Variants in CCDC171 observed in about 807,000 individuals in gnomAD.
CCDC171 encodes the protein coiled-coil domain containing 171, also known as coiled-coil domain-containing protein 171.
CCDC171 carries 177 observed loss-of-function variants against 168.2 expected under a neutral mutation model. The observed-to-expected ratio is 1.05, with a 90% CI of 0.93 to 1.19. The LOEUF (loss-of-function observed/expected upper bound fraction) is 1.19. Among genes scored for constraint, CCDC171 ranks in the 50% most tolerant of loss-of-function variants. CCDC171 has a pLI of 0.00. For missense variants in CCDC171, 1,991 were observed against 1,539.0 expected (o/e 1.29, Z -4.91); for synonymous variants, 687 against 540.8 (o/e 1.27, Z -3.75).
At chr9:15,688,267 G>C (rs187410949) in intron 10 of CCDC171, among the ~76,000 whole-genome samples, 3 of 152,072 alleles carry the variant, frequency 2.0e-5, no homozygotes, top group South Asian at 2.1e-4. Context: ...GCCTAGATAG[G>C]TTCACTGGTA....
chr9:15,827,053 G>T (rs1284919673), intron 21 of CCDC171, among the ~76,000 whole-genome samples: 1 of 152,170 alleles, frequency 6.6e-6, no homozygotes, highest in African/African-American at 2.4e-5. Context: ...CTTTAGGATG[G>T]ATGGGCTATG....
Position 15,777,132 on chromosome 9 carries a change from C to T in CCDC171, c.2672-468C>T, listed in dbSNP as rs555342840. ...TGTTGGATATGCTGGGACCTTAAGT[C>T]CATTATATGAGAAGGATGATTACCA... On this transcript the variant is annotated intron_variant, in intron 18 of 25. Transcript: ENST00000380701. Among the ~76,000 whole-genome samples the T allele has an allele frequency of 2.6e-5, 4 of 152,176 alleles. No individual in the cohort carries two copies. In the South Asian group the frequency reaches 6.2e-4, roughly 24 times the overall value.
At chr9:15,961,469 T>G (rs1170651868) in intron 25 of CCDC171, among the ~76,000 whole-genome samples, 1 of 151,974 alleles carries the variant, frequency 6.6e-6, no homozygotes, top group African/African-American at 2.4e-5. Context: ...GCATAAGGAG[T>G]TGCATTTGCG....
At chr9:15,714,023 G>T (rs7875957) in intron 11 of CCDC171, among the ~76,000 whole-genome samples, 5,754 of 152,164 alleles carry the variant, frequency 0.038, 225 homozygotes, top group South Asian at 0.12. Flanking sequence ...AAAATGTGTT[G>T]ATTTGTTTCA....
chr9:15,631,451 A>G (rs1022384223), intron 7 of CCDC171, among the ~76,000 whole-genome samples: 3 of 152,188 alleles, frequency 2.0e-5, no homozygotes, highest in Non-Finnish European at 2.9e-5. Flanking sequence ...GGACACATAC[A>G]CCCACCCAAG....
chr9:15,590,309 A>G (rs1043980793), intron 4 of CCDC171, among the ~76,000 whole-genome samples: 4 of 152,248 alleles, frequency 2.6e-5, no homozygotes, highest in Non-Finnish European at 2.9e-5. Flanking sequence ...TAATTTAGAA[A>G]TACTGCTAAT....
intron 6 of CCDC171, among the ~76,000 whole-genome samples, chr9:16,032,772 C>G (rs1833386501): frequency 6.6e-6 from 1 of 152,148 alleles, no homozygotes; most frequent in Non-Finnish European, 1.5e-5. Flanking sequence ...CATAAGCCAC[C>G]ATGCCTGGCC....
rs560406942 is a variant in CCDC171, at chr9:15,919,220, G to A, written c.3601-1050G>A. ...AAATAAGAATTTATTAGGCCAAAAG[G>A]TCTGAATTTTCTTACTCTTACCTGC... On this transcript the variant is annotated intron_variant, in intron 24 of 25. Coordinates refer to ENST00000380701, the MANE Select transcript of CCDC171 (RefSeq NM_173550.4). Among the ~76,000 whole-genome samples, 4 of 151,634 alleles carry A rather than the reference G, an allele frequency of 2.6e-5. No individual in the cohort carries two copies. In the East Asian group the frequency reaches 5.8e-4, roughly 22 times the overall value.
intron 25 of CCDC171, among the ~76,000 whole-genome samples, chr9:15,971,228 G>A (rs567267347): frequency 3.3e-5 from 5 of 152,070 alleles, no homozygotes; most frequent in South Asian, 2.1e-4. Context: ...ATATTATATG[G>A]CACTTATTTT....
chr9:15,749,618 C>A (rs188876270), intron 18 of CCDC171, among the ~76,000 whole-genome samples: 1 of 152,342 alleles, frequency 6.6e-6, no homozygotes, highest in Admixed American at 6.5e-5. Flanking sequence ...TCACAACAAA[C>A]TGTCTCTCAG....
chr9:16,080,142 C>A, the CCDC171 span, among the ~76,000 whole-genome samples: 1 of 152,160 alleles, frequency 6.6e-6, no homozygotes, highest in Admixed American at 6.5e-5. Flanking sequence ...GCTTCTGGAG[C>A]CTTTACCCTC....
chr9:15,949,438 T>G (rs1828844307), intron 25 of CCDC171, among the ~76,000 whole-genome samples: 1 of 152,220 alleles, frequency 6.6e-6, no homozygotes, highest in African/African-American at 2.4e-5. Context: ...ACGATATTGA[T>G]TCTTCCTACA....
rs146219764 is a variant in CCDC171, at chr9:15,750,589, C to T, written c.2671+4958C>T. Among the ~76,000 whole-genome samples the T allele has an allele frequency of 5.7e-3, 859 of 151,272 alleles. 12 individuals carry two copies. The highest frequency in any genetic ancestry group is 0.02 in the African/African-American group (830 of 41,376). ...TCAATAAAATACTGGCAAACCGAAT[C>T]CAGCAGCACATCAAAAATGCAAGGC... On this transcript the variant is annotated intron_variant, in intron 18 of 25. Transcript: ENST00000380701.
At chr9:15,664,405 C>T (rs555415018) in intron 8 of CCDC171, among the ~76,000 whole-genome samples, 2 of 152,088 alleles carry the variant, frequency 1.3e-5, no homozygotes, top group African/African-American at 4.8e-5. Flanking sequence ...CGTGACACCA[C>T]GCCCAGCTGA....
At chr9:15,777,553 C>G (rs1291245695) in intron 18 of CCDC171, 47 bp from the exon 19 acceptor site, 3 of 1,148,636 alleles carry the variant, frequency 2.6e-6, no homozygotes, top group Non-Finnish European at 3.8e-6. Context: ...GTGAAATGCA[C>G]AAGAGACAAT....
chr9:15,591,401 A>T lies in CCDC171; in HGVS notation c.388A>T (p.Thr130Ser), dbSNP rs1254720028. The T allele has an allele frequency of 1.9e-6, 3 of 1,606,474 alleles. No individual in the cohort carries two copies. The highest frequency in any genetic ancestry group is 2.5e-6 in the Non-Finnish European group (3 of 1,177,138). Residue 130 changes from threonine to serine, a missense_variant, in exon 5 of 26, where the codon ACT becomes TCT. Coordinates refer to ENST00000380701, the MANE Select transcript of CCDC171 (RefSeq NM_173550.4). ...AGAACTTCAAGCAAAGACAAATGAG[A>T]CTGAGAAAGCATTTCAGACTTCTCA... Reference protein sequence around the residue: ...NSELQAKTNETEKAFQTSQQK... With the variant: ...NSELQAKTNESEKAFQTSQQK...
At chr9:15,618,956 A>G (rs377169425) in intron 6 of CCDC171, among the ~76,000 whole-genome samples, 9 of 151,938 alleles carry the variant, frequency 5.9e-5, no homozygotes, top group African/African-American at 1.9e-4. Context: ...CTATTTGGCC[A>G]TCGTGGCCCC....
downstream of CCDC171, among the ~76,000 whole-genome samples, chr9:15,975,513 C>G (rs1831594203): frequency 6.6e-6 from 1 of 152,282 alleles, no homozygotes; most frequent in Admixed American, 6.5e-5. Context: ...TAAACAGTAA[C>G]TGTGAAGTTG....
the CCDC171 span, among the ~76,000 whole-genome samples, chr9:16,099,445 G>T: frequency 6.6e-6 from 1 of 152,256 alleles, no homozygotes; most frequent in Non-Finnish European, 1.5e-5. Flanking sequence ...GGCAGGTGAA[G>T]AAGCACAAGG....
Sources: gnomAD v4.1 joint callset for allele counts (sites outside exome capture counted in the v4.1 genomes callset) on GRCh38, gnomAD v4.1.1 for gene constraint, MANE v1.5 for transcripts, NCBI Gene and HGNC (gene_info 2026-07-23, HGNC 2026-07-21) for gene names.